Variants in PRKG1 observed in about 807,000 individuals in gnomAD.
PRKG1 encodes the protein protein kinase cGMP-dependent 1.
In PRKG1, 35 loss-of-function variants were observed where a neutral mutation model predicts 88.1. That is an observed-to-expected ratio of 0.40 (90% CI 0.30 to 0.53). The LOEUF is 0.53. Ranked by LOEUF, PRKG1 falls within the 20% of genes least tolerant of loss-of-function variation. The pLI, the probability that PRKG1 is intolerant of heterozygous loss-of-function variation, is 0.59. For missense variants in PRKG1, 540 were observed against 839.8 expected, an observed-to-expected ratio of 0.64 and a Z score of 4.41; for synonymous variants, 303 against 292.5, an observed-to-expected ratio of 1.04 and a Z score of -0.37.
intron 9 of PRKG1, among the ~76,000 whole-genome samples, chr10:52,206,832 T>C (rs1839832230): frequency 2.0e-5 from 3 of 152,072 alleles, no homozygotes; most frequent in Admixed American, 2.0e-4. Context: ...ACAACACTGA[T>C]GGGGGTTGCC....
At chr10:51,370,709 A>G (rs1842687789) in intron 2 of PRKG1, among the ~76,000 whole-genome samples, 1 of 152,064 alleles carries the variant, frequency 6.6e-6, no homozygotes, top group Non-Finnish European at 1.5e-5. Flanking sequence ...TTAATAATAT[A>G]TTTTCTCTAA....
chr10:51,516,513 C>A (rs948409378), intron 3 of PRKG1, among the ~76,000 whole-genome samples: 19 of 152,230 alleles, frequency 1.2e-4, no homozygotes, highest in Admixed American at 9.8e-4. Flanking sequence ...GGGTTTCAAG[C>A]TTTTTGGCTT....
intron 4 of PRKG1, among the ~76,000 whole-genome samples, chr10:51,870,231 A>G (rs983357179): frequency 1.3e-5 from 2 of 152,186 alleles, no homozygotes; most frequent in African/African-American, 4.8e-5. Flanking sequence ...AAGGTGTTAT[A>G]GGTGCCCAAA....
chr10:51,420,037 T>G (rs939351345), intron 2 of PRKG1, among the ~76,000 whole-genome samples: 9 of 152,018 alleles, frequency 5.9e-5, no homozygotes, highest in Admixed American at 5.9e-4. Context: ...TCTGGGATGT[T>G]GGGGGGCAGG....
At chr10:51,311,677 C>A (rs566420143) in intron 2 of PRKG1, among the ~76,000 whole-genome samples, 1 of 152,312 alleles carries the variant, frequency 6.6e-6, no homozygotes, top group South Asian at 2.1e-4. Context: ...TAGGTTCAAC[C>A]AACCAAATTT....
chr10:52,091,092 C>A (rs753973775), intron 7 of PRKG1, among the ~76,000 whole-genome samples: 17 of 152,096 alleles, frequency 1.1e-4, no homozygotes, highest in Non-Finnish European at 2.4e-4. Context: ...CTGAGGGTCT[C>A]AGGAGTCTGT....
At chr10:51,806,694 T>C (rs1011189734) in intron 4 of PRKG1, among the ~76,000 whole-genome samples, 3 of 152,136 alleles carry the variant, frequency 2.0e-5, no homozygotes, top group Non-Finnish European at 4.4e-5. Context: ...ACTGGTTCTC[T>C]CTCTATAACT....
chr10:52,219,646 A>C (rs1840196101), intron 9 of PRKG1, among the ~76,000 whole-genome samples: 1 of 152,178 alleles, frequency 6.6e-6, no homozygotes, highest in Non-Finnish European at 1.5e-5. Context: ...CTGGCTAACA[A>C]TGTGTTGAAT....
chr10:52,080,586 T>C (rs12253790), intron 7 of PRKG1, among the ~76,000 whole-genome samples: 72,170 of 151,982 alleles, frequency 0.47, 19,433 homozygotes, highest in African/African-American at 0.73. Context: ...AGGGGCTTAA[T>C]TTGGTTGATA....
At chr10:52,031,489 A>G (rs1231730246) in intron 5 of PRKG1, among the ~76,000 whole-genome samples, 1 of 152,206 alleles carries the variant, frequency 6.6e-6, no homozygotes, top group Non-Finnish European at 1.5e-5. Context: ...TATATTTGAA[A>G]GATCTTTATA....
intron 9 of PRKG1, among the ~76,000 whole-genome samples, chr10:52,166,351 T>C (rs1263380733): frequency 6.6e-6 from 1 of 152,068 alleles, no homozygotes; most frequent in Non-Finnish European, 1.5e-5. Flanking sequence ...AGCTGGTATG[T>C]AATTGAATGA....
chr10:51,090,313 T>C (rs1237166036), intron 1 of PRKG1, among the ~76,000 whole-genome samples: 1 of 152,132 alleles, frequency 6.6e-6, no homozygotes, highest in African/African-American at 2.4e-5. Flanking sequence ...TGGAAAGAAG[T>C]TCAGTAATGA....
rs1314783893 is a variant in PRKG1 at position 51,858,258 on chromosome 10, CAT to C, written c.699-49241_699-49240del. 7.4e-3 allele frequency among the ~76,000 whole-genome samples: 81 copies of C among 10,938 alleles called. 30 individuals are homozygous for C. The highest frequency in any genetic ancestry group is 0.25 in the Middle Eastern group (2 of 8). 7.2% of individuals were successfully genotyped at this position (10,938 alleles called of 152,430 possible). A position where few individuals can be genotyped will look rare whatever the true frequency, so the allele number is the denominator to read the frequency against. On this transcript the variant is annotated intron_variant, in intron 4 of 17. Coordinates refer to ENST00000373980, the MANE Select transcript of PRKG1 (RefSeq NM_006258.4). The stretch of plus-strand genomic sequence containing the variant: ...TATATTATATATAATACATATTATA[CAT>C]ATATATAATATTATACATATGTATA...
intron 2 of PRKG1, among the ~76,000 whole-genome samples, chr10:51,422,957 A>G (rs1449803246): frequency 7.8e-6 from 1 of 127,810 alleles, no homozygotes; most frequent in Non-Finnish European, 1.7e-5. Flanking sequence ...CTCCATTGAA[A>G]TAGGTTTTTT....
chr10:51,131,860 C>A (rs1230326772), intron 1 of PRKG1, among the ~76,000 whole-genome samples: 2 of 152,112 alleles, frequency 1.3e-5, no homozygotes, highest in Admixed American at 6.6e-5. Context: ...ACCTTGAAAT[C>A]CATTTGCATT....
chr10:51,175,765 C>T lies in PRKG1; in HGVS notation c.478+22435C>T, dbSNP rs9414862. On this transcript the variant is annotated intron_variant, in intron 2 of 17. Transcript: ENST00000373980. ...AGTATCTGGTACAAATGAAAATTAT[C>T]GGGGCTCACCTTAGACCTACGGAAT... Among the ~76,000 whole-genome samples, 1,499 of 152,148 alleles carry T rather than the reference C, an allele frequency of 9.9e-3. 35 individuals are homozygous for T. The highest frequency in any genetic ancestry group is 0.034 in the African/African-American group (1,413 of 41,538).
Position 51,699,021 on chromosome 10 carries a change from C to T in PRKG1, c.593-105564C>T, listed in dbSNP as rs1325841312. The T allele has an allele frequency of 1.2e-6, 2 of 1,614,138 alleles. No homozygotes were observed. Among genetic ancestry groups the T allele is most frequent in the Non-Finnish European group, 1.7e-6 (2 of 1,180,058 alleles). On this transcript the variant is annotated intron_variant, in intron 3 of 17. Coordinates refer to ENST00000373980, the MANE Select transcript of PRKG1 (RefSeq NM_006258.4). ...TCTGGATCCATGATTCTCATCACTA[C>T]TTGTGCCTGCAACAGTGCATAAGCC... is the stretch of plus-strand genomic sequence containing the variant.
At chr10:51,001,494 T>C (rs1842889122) in intron 1 of PRKG1, among the ~76,000 whole-genome samples, 1 of 152,232 alleles carries the variant, frequency 6.6e-6, no homozygotes, top group Non-Finnish European at 1.5e-5. Context: ...GAAAAAAAAT[T>C]AGATTATTCC....
At chr10:51,469,980 G>A (rs1840005648) in intron 3 of PRKG1, among the ~76,000 whole-genome samples, 1 of 151,784 alleles carries the variant, frequency 6.6e-6, no homozygotes, top group African/African-American at 2.4e-5. Context: ...ATTGTTTCAG[G>A]ACTTTTTTGT....
Sources: gnomAD v4.1 joint callset for allele counts (sites outside exome capture counted in the v4.1 genomes callset) on GRCh38, gnomAD v4.1.1 for gene constraint, MANE v1.5 for transcripts, NCBI Gene and HGNC (gene_info 2026-07-23, HGNC 2026-07-21) for gene names.